The following SLCO1B3 variants were observed in gnomAD, a reference collection of about 807,000 sequenced individuals.
SLCO1B3 encodes the protein solute carrier organic anion transporter family member 1B3.
In SLCO1B3, 72 loss-of-function variants were observed where a neutral mutation model predicts 71.8. The ratio of observed to expected loss-of-function variants is 1.00; its 90% CI spans 0.83 to 1.22. The LOEUF (loss-of-function observed/expected upper bound fraction) is 1.22. Among genes scored for constraint, SLCO1B3 ranks in the 50% most tolerant of loss-of-function variants. The pLI is 0.00. For missense variants in SLCO1B3, 911 were observed against 819.7 expected (o/e 1.11, Z -1.36); for synonymous variants, 298 against 278.4 (o/e 1.07, Z -0.70).
intron 15 of SLCO1B3, among the ~76,000 whole-genome samples, chr12:20,904,654 G>C (rs1866199676): frequency 6.6e-6 from 1 of 151,498 alleles, no homozygotes; most frequent in Admixed American, 6.6e-5. Context: ...TGGGAACTCT[G>C]TGTGGGAAGT....
chr12:20,858,595 C>T lies in SLCO1B3; in HGVS notation c.359+24C>T. On this transcript the variant is annotated intron_variant, in intron 5 of 15. Transcript: ENST00000381545. ...TAGTAAGTGTTAAACAGCTCTGAGC[C>T]ATTTATTATCAGCTACTTGTAAATT... 1.9e-6 allele frequency: 3 copies of T among 1,572,818 alleles called. No homozygotes were observed. The East Asian group carries it at 6.7e-5, about 35-fold the overall frequency.
At chr12:20,825,798 CAAAAAA>C (rs3060437) in intron 3 of SLCO1B3, among the ~76,000 whole-genome samples, 2 of 86,242 alleles carry the variant, frequency 2.3e-5, no homozygotes, top group Non-Finnish European at 4.5e-5. Context: ...GACTCTGTCT[CAAAAAA>C]AAAAAAAAAA....
At chr12:20,901,852 T>G (rs1299377090) in intron 15 of SLCO1B3, 1 of 426,320 alleles carries the variant, frequency 2.3e-6, no homozygotes, top group Non-Finnish European at 4.6e-6. Flanking sequence ...ATATGGTAAT[T>G]GAGGAAAGAA....
intron 14 of SLCO1B3, among the ~76,000 whole-genome samples, chr12:20,899,233 T>TA (rs1866079681): frequency 1.3e-5 from 2 of 152,196 alleles, no homozygotes; most frequent in South Asian, 4.1e-4. Flanking sequence ...ACTGCACAGA[T>TA]ACTTGTTGTT....
intron 3 of SLCO1B3, among the ~76,000 whole-genome samples, chr12:20,845,975 CT>C (rs35873402): frequency 0.77 from 112,847 of 146,180 alleles, 44,336 homozygotes; most frequent in South Asian, 0.92. Context: ...TCTTCCTTGT[CT>C]TTTTTTTTTT....
At chr12:20,881,675 C>CTT (rs4149167) in intron 12 of SLCO1B3, among the ~76,000 whole-genome samples, 7 of 148,988 alleles carry the variant, frequency 4.7e-5, no homozygotes, top group African/African-American at 1.7e-4. Flanking sequence ...AACTCAAAGG[C>CTT]TTTTTTTTTT....
intron 8 of SLCO1B3, among the ~76,000 whole-genome samples, chr12:20,870,287 T>C (rs1865452892): frequency 6.6e-6 from 1 of 152,162 alleles, no homozygotes; most frequent in Admixed American, 6.6e-5. Flanking sequence ...GTATGTTGCC[T>C]TTTCACTCTG....
chr12:20,843,644 G>C (rs2121181036), intron 3 of SLCO1B3, among the ~76,000 whole-genome samples: 1 of 152,094 alleles, frequency 6.6e-6, no homozygotes, highest in Admixed American at 6.5e-5. Flanking sequence ...AGCTGGGTGT[G>C]GTGGTGGGCA....
intron 13 of SLCO1B3, among the ~76,000 whole-genome samples, chr12:20,896,766 G>A (rs979231301): frequency 3.3e-5 from 5 of 152,054 alleles, no homozygotes; most frequent in African/African-American, 4.8e-5. Flanking sequence ...CCAATTTACT[G>A]TATTAGTTTG....
intron 3 of SLCO1B3, among the ~76,000 whole-genome samples, chr12:20,850,396 C>T (rs1865001841): frequency 1.3e-5 from 2 of 151,870 alleles, no homozygotes; most frequent in South Asian, 4.1e-4. Context: ...TCTCCTGCCT[C>T]AGCCTCCTGA....
At chr12:20,878,280 A>G (rs977813031) in intron 10 of SLCO1B3, among the ~76,000 whole-genome samples, 21 of 152,122 alleles carry the variant, frequency 1.4e-4, no homozygotes, top group African/African-American at 4.8e-4. Context: ...CCCTTTTATA[A>G]TATAACCATT....
chr12:20,823,092 G>T (rs1864350289), intron 3 of SLCO1B3, among the ~76,000 whole-genome samples: 1 of 152,092 alleles, frequency 6.6e-6, no homozygotes, highest in Non-Finnish European at 1.5e-5. Context: ...GGAGGAGGAA[G>T]AGAGACAAAC....
intron 3 of SLCO1B3, among the ~76,000 whole-genome samples, chr12:20,844,602 T>TGC (rs1395837773): frequency 6.6e-6 from 1 of 152,116 alleles, no homozygotes; most frequent in Admixed American, 6.6e-5. Context: ...CATTAATTGA[T>TGC]AACCCCCAAA....
chr12:20,896,456 G>C (rs1381745622), intron 13 of SLCO1B3, among the ~76,000 whole-genome samples: 4 of 152,102 alleles, frequency 2.6e-5, no homozygotes, highest in African/African-American at 7.2e-5. Flanking sequence ...AATCTCTAGG[G>C]CAGGGGCAAA....
chr12:20,903,371 T>C (rs1480463421), intron 15 of SLCO1B3, among the ~76,000 whole-genome samples: 1 of 152,218 alleles, frequency 6.6e-6, no homozygotes, highest in African/African-American at 2.4e-5. Flanking sequence ...TACATTCATA[T>C]AGTGGAATAT....
At chr12:20,878,906 G>GC (rs11443981) in intron 10 of SLCO1B3, among the ~76,000 whole-genome samples, 109,915 of 151,764 alleles carry the variant, frequency 0.72, 42,389 homozygotes, top group South Asian at 0.9. Context: ...TAATTCTAAA[G>GC]CCTGGGCAAA....
At chr12:20,826,374 G>T (rs910323947) in intron 3 of SLCO1B3, among the ~76,000 whole-genome samples, 1 of 152,104 alleles carries the variant, frequency 6.6e-6, no homozygotes, top group Non-Finnish European at 1.5e-5. Flanking sequence ...CACAATAAAA[G>T]TTGAACTTTT....
rs1866125232 is a variant in SLCO1B3, at chr12:20,901,215, A to G, written c.1748-135A>G. 1.1e-5 allele frequency: 7 copies of G among 636,582 alleles called. No individual in the cohort carries two copies. The East Asian group carries it at 2.1e-4, about 19-fold the overall frequency. 39.4% of individuals were successfully genotyped at this position (636,582 alleles called of 1,614,324 possible). ...TCTAATAATTTTGATTCCTGGGTGGATGTAAGCCAAACCAATGGAATAATT... is the reference window on the plus strand; with the variant it reads ...TCTAATAATTTTGATTCCTGGGTGGGTGTAAGCCAAACCAATGGAATAATT... On this transcript the variant is annotated intron_variant, in intron 14 of 15. Transcript: ENST00000381545.
chr12:20,895,928 G>A (rs1476862316), intron 13 of SLCO1B3, among the ~76,000 whole-genome samples: 3 of 152,076 alleles, frequency 2.0e-5, no homozygotes, highest in African/African-American at 4.8e-5. Context: ...ATTGACTTTT[G>A]TGCACCCACA....
Sources: allele counts gnomAD v4.1 joint callset (sites outside exome capture counted in the v4.1 genomes callset), GRCh38; gene constraint gnomAD v4.1.1; transcripts MANE v1.5; gene names NCBI Gene and HGNC (gene_info 2026-07-23, HGNC 2026-07-21).